The following PRELID2 variants were observed in gnomAD, a reference collection of about 807,000 sequenced individuals.
PRELID2 encodes the protein PRELI domain containing 2, also known as PRELI domain-containing protein 2.
In PRELID2, 25 loss-of-function variants were observed where a neutral mutation model predicts 28.4. That is an observed-to-expected ratio of 0.88 (90% CI 0.64 to 1.23). The LOEUF (loss-of-function observed/expected upper bound fraction) is 1.23. Among genes scored for constraint, PRELID2 ranks in the 50% most tolerant of loss-of-function variants. The pLI is 0.00. For synonymous variants in PRELID2, 76 were observed against 71.6 expected (o/e 1.06, Z -0.31); for missense variants, 201 against 214.4 (o/e 0.94, Z 0.39).
At chr5:145,580,550 G>C (rs1271719487) in intron 1 of PRELID2, among the ~76,000 whole-genome samples, 2 of 152,024 alleles carry the variant, frequency 1.3e-5, no homozygotes, top group African/African-American at 4.8e-5. Flanking sequence ...GTTGAGTAGA[G>C]CCATAACACA....
the PRELID2 span, among the ~76,000 whole-genome samples, chr5:145,424,281 G>T: frequency 1.3e-5 from 2 of 152,204 alleles, no homozygotes; most frequent in Admixed American, 6.5e-5. Context: ...GAGCTTCCCG[G>T]CTGCTTTGTT....
chr5:145,821,184 A>AGTGTGTGTGTGTGTGTGT (rs1581273643), intron 2 of PRELID2, among the ~76,000 whole-genome samples: 1 of 34,790 alleles, frequency 2.9e-5, no homozygotes, highest in African/African-American at 1.0e-4. Flanking sequence ...TGTGTGTGTA[A>AGTGTGTGTGTGTGTGTGT]GTCCTCTTCT....
the PRELID2 span, chr5:145,229,939 T>C: frequency 4.0e-6 from 3 of 749,750 alleles, no homozygotes; most frequent in Non-Finnish European, 7.4e-6. Context: ...GAGGAGCTGA[T>C]GAGCGTGAAC....
At chr5:145,372,697 TG>T in the PRELID2 span, among the ~76,000 whole-genome samples, 1 of 151,466 alleles carries the variant, frequency 6.6e-6, no homozygotes, top group Admixed American at 6.6e-5. Flanking sequence ...TTCATTTGCT[TG>T]GTAAATTCTC....
chr5:145,489,625 A>G (rs1752250137), intron 1 of PRELID2, among the ~76,000 whole-genome samples: 1 of 152,118 alleles, frequency 6.6e-6, no homozygotes. Context: ...TGAGCCACCC[A>G]CTATTGCCTA....
At chr5:145,670,644 C>T (rs1754687645) in intron 1 of PRELID2, among the ~76,000 whole-genome samples, 1 of 152,136 alleles carries the variant, frequency 6.6e-6, no homozygotes, top group South Asian at 2.1e-4. Context: ...TGTAATTCAT[C>T]TCCATTCATT....
At chr5:145,718,791 G>GA (rs750543530) in intron 1 of PRELID2, among the ~76,000 whole-genome samples, 5 of 151,858 alleles carry the variant, frequency 3.3e-5, no homozygotes, top group Non-Finnish European at 5.9e-5. Flanking sequence ...GAAGGTATTG[G>GA]AAAAAATGTT....
At chr5:145,642,303 T>TAAAA (rs1248175824) in intron 1 of PRELID2, among the ~76,000 whole-genome samples, 3 of 152,228 alleles carry the variant, frequency 2.0e-5, no homozygotes, top group African/African-American at 7.2e-5. Context: ...ATTGACTGAA[T>TAAAA]AAATATCTTC....
At chr5:145,320,459 G>A in the PRELID2 span, among the ~76,000 whole-genome samples, 1 of 151,992 alleles carries the variant, frequency 6.6e-6, no homozygotes, top group Non-Finnish European at 1.5e-5. Context: ...TTTTTTAGTA[G>A]AGACGGGGTT....
the PRELID2 span, among the ~76,000 whole-genome samples, chr5:145,275,381 G>T: frequency 2.4e-3 from 359 of 152,142 alleles, 1 homozygote; most frequent in African/African-American, 8.4e-3. Flanking sequence ...CCTGAAATAG[G>T]GGAGGGTCCA....
At chr5:145,540,135 C>T (rs1044754168) in intron 1 of PRELID2, among the ~76,000 whole-genome samples, 26 of 151,902 alleles carry the variant, frequency 1.7e-4, no homozygotes, top group Admixed American at 1.4e-3. Context: ...ACCCTTCTAA[C>T]CTGTTTGTAT....
chr5:145,797,638 T>C (rs76710176), intron 4 of PRELID2, among the ~76,000 whole-genome samples: 2,096 of 152,218 alleles, frequency 0.014, 44 homozygotes, highest in African/African-American at 0.048. Context: ...CCTCTGTGAC[T>C]GGGAAATTAC....
At chr5:145,324,731 T>C in the PRELID2 span, among the ~76,000 whole-genome samples, 2 of 152,328 alleles carry the variant, frequency 1.3e-5, no homozygotes, top group Admixed American at 1.3e-4. Context: ...ATTATTAATT[T>C]ATTCAATCCC....
At chr5:145,314,518 A>T in the PRELID2 span, among the ~76,000 whole-genome samples, 7 of 152,258 alleles carry the variant, frequency 4.6e-5, 1 homozygote, top group African/African-American at 1.2e-4. Flanking sequence ...AAAATTTTTT[A>T]AAAAGTAACT....
At chr5:145,243,816 A>G in the PRELID2 span, among the ~76,000 whole-genome samples, 3 of 152,114 alleles carry the variant, frequency 2.0e-5, no homozygotes, top group Non-Finnish European at 4.4e-5. Context: ...TATTTTATAA[A>G]TGTTCCATTT....
chr5:145,762,520 G>C (rs1757525017), intron 6 of PRELID2, among the ~76,000 whole-genome samples: 1 of 152,104 alleles, frequency 6.6e-6, no homozygotes, highest in Non-Finnish European at 1.5e-5. Flanking sequence ...CTGGGCAACA[G>C]AACAGTGAGA....
chr5:145,693,127 T>C (rs910067590), intron 1 of PRELID2, among the ~76,000 whole-genome samples: 5 of 151,464 alleles, frequency 3.3e-5, no homozygotes, highest in Non-Finnish European at 5.9e-5. Flanking sequence ...ACTTTGTTCC[T>C]AGGGAAAAAT....
chr5:145,501,883 A>G (rs1752362294), intron 1 of PRELID2, among the ~76,000 whole-genome samples: 1 of 152,112 alleles, frequency 6.6e-6, no homozygotes, highest in African/African-American at 2.4e-5. Context: ...GTTCACCTCC[A>G]GAGTGATGCT....
chr5:145,269,713 T>C, the PRELID2 span, among the ~76,000 whole-genome samples: 1 of 150,252 alleles, frequency 6.7e-6, no homozygotes, highest in Non-Finnish European at 1.5e-5. Flanking sequence ...ATACAAACTA[T>C]ATATATATAG....
Sources: gnomAD v4.1 joint callset for allele counts (sites outside exome capture counted in the v4.1 genomes callset) on GRCh38, gnomAD v4.1.1 for gene constraint, MANE v1.5 for transcripts, NCBI Gene and HGNC (gene_info 2026-07-23, HGNC 2026-07-21) for gene names.